QTMAN: variants seen among roughly 807,000 people sequenced by gnomAD.
QTMAN encodes the protein queuosine-tRNA mannosyltransferase, also known as tRNA-queuosine alpha-mannosyltransferase.
the QTMAN span, chr2:144,208,617 G>A: frequency 6.2e-7 from 1 of 1,613,248 alleles, no homozygotes; most frequent in Non-Finnish European, 8.5e-7. Context: ...AATGCTCACT[G>A]ATGGGAATGG....
chr2:143,986,630 A>G, the QTMAN span, among the ~76,000 whole-genome samples: 1 of 152,156 alleles, frequency 6.6e-6, no homozygotes, highest in Non-Finnish European at 1.5e-5. Context: ...CCTAAATATT[A>G]TTTGATGGAT....
At chr2:144,133,181 T>C in the QTMAN span, among the ~76,000 whole-genome samples, 1 of 47,040 alleles carries the variant, frequency 2.1e-5, no homozygotes, top group South Asian at 4.7e-4. Flanking sequence ...TAAATATATA[T>C]AATATAAATT....
At chr2:144,168,246 C>G in the QTMAN span, among the ~76,000 whole-genome samples, 3 of 152,094 alleles carry the variant, frequency 2.0e-5, no homozygotes, top group Admixed American at 1.3e-4. Flanking sequence ...AGTTACTTTA[C>G]GAGAAATGTC....
the QTMAN span, among the ~76,000 whole-genome samples, chr2:144,027,590 T>C: frequency 3.3e-5 from 5 of 152,330 alleles, no homozygotes; most frequent in South Asian, 2.1e-4. Flanking sequence ...ACAAGCTCAA[T>C]TTACAAGAGA....
chr2:144,248,362 T>G, the QTMAN span, among the ~76,000 whole-genome samples: 1 of 152,222 alleles, frequency 6.6e-6, no homozygotes, highest in Non-Finnish European at 1.5e-5. Flanking sequence ...TTTTAGAATT[T>G]TTTTCTCTCT....
At chr2:144,315,033 G>A in the QTMAN span, among the ~76,000 whole-genome samples, 1,196 of 152,050 alleles carry the variant, frequency 7.9e-3, 8 homozygotes, top group Middle Eastern at 0.024. Flanking sequence ...TTACAGGCAC[G>A]CACCACCATC....
chr2:143,971,565 T>G, the QTMAN span, among the ~76,000 whole-genome samples: 1 of 152,186 alleles, frequency 6.6e-6, no homozygotes, highest in East Asian at 1.9e-4. Flanking sequence ...ACAAATCACA[T>G]CAAAATGAAA....
the QTMAN span, among the ~76,000 whole-genome samples, chr2:144,186,552 C>T: frequency 1.3e-5 from 2 of 152,092 alleles, no homozygotes; most frequent in Non-Finnish European, 2.9e-5. Context: ...AGAGTTCATT[C>T]CTCTTCAAAT....
the QTMAN span, among the ~76,000 whole-genome samples, chr2:144,010,862 G>T: frequency 6.6e-6 from 1 of 152,098 alleles, no homozygotes; most frequent in African/African-American, 2.4e-5. Flanking sequence ...ATAACCAGGA[G>T]TAACGGGATG....
chr2:144,291,478 G>C, the QTMAN span, among the ~76,000 whole-genome samples: 1 of 152,170 alleles, frequency 6.6e-6, no homozygotes, highest in African/African-American at 2.4e-5. Flanking sequence ...CAAAATGTTA[G>C]GCTTTGCCTC....
At chr2:144,142,364 T>C in the QTMAN span, among the ~76,000 whole-genome samples, 3 of 151,932 alleles carry the variant, frequency 2.0e-5, no homozygotes, top group Admixed American at 6.6e-5. Context: ...ACTTTCTATA[T>C]TATCAACAAC....
At chr2:143,975,286 G>C in the QTMAN span, among the ~76,000 whole-genome samples, 2 of 152,106 alleles carry the variant, frequency 1.3e-5, no homozygotes, top group African/African-American at 4.8e-5. Context: ...GGATTTCTAA[G>C]ATCTCCATAC....
the QTMAN span, among the ~76,000 whole-genome samples, chr2:144,064,941 T>C: frequency 1.3e-5 from 2 of 152,038 alleles, no homozygotes; most frequent in South Asian, 4.1e-4. Flanking sequence ...GATAAGGGAC[T>C]GAGGAGGAGA....
chr2:144,264,306 G>T, the QTMAN span, among the ~76,000 whole-genome samples: 1 of 152,108 alleles, frequency 6.6e-6, no homozygotes, highest in Admixed American at 6.6e-5. Context: ...GTGAGGAGGA[G>T]AATTGAATTG....
the QTMAN span, among the ~76,000 whole-genome samples, chr2:144,059,828 CACTTCTT>C: frequency 6.6e-6 from 1 of 152,164 alleles, no homozygotes; most frequent in Non-Finnish European, 1.5e-5. Context: ...TATTGGCCTT[CACTTCTT>C]GTCAATCAGG....
At chr2:144,178,862 T>C in the QTMAN span, 1 of 383,672 alleles carries the variant, frequency 2.6e-6, no homozygotes, top group South Asian at 2.0e-5. Flanking sequence ...GGAAGCTGGA[T>C]CCAGGCTTCT....
At chr2:144,004,245 A>G in the QTMAN span, among the ~76,000 whole-genome samples, 3 of 152,002 alleles carry the variant, frequency 2.0e-5, no homozygotes, top group Admixed American at 1.3e-4. Context: ...GGGAGGCTCA[A>G]ACTAAGGGGG....
At chr2:144,323,183 A>G in the QTMAN span, among the ~76,000 whole-genome samples, 2 of 152,190 alleles carry the variant, frequency 1.3e-5, no homozygotes, top group African/African-American at 4.8e-5. Context: ...AAATTTGGCT[A>G]GTTTCACTAG....
the QTMAN span, among the ~76,000 whole-genome samples, chr2:143,955,849 T>C: frequency 6.6e-6 from 1 of 152,214 alleles, no homozygotes; most frequent in Non-Finnish European, 1.5e-5. Flanking sequence ...ATTTTCCATC[T>C]GCTACATCTA....
Sources: gnomAD v4.1 joint callset for allele counts (sites outside exome capture counted in the v4.1 genomes callset) on GRCh38, gnomAD v4.1.1 for gene constraint, MANE v1.5 for transcripts, NCBI Gene and HGNC (gene_info 2026-07-23, HGNC 2026-07-21) for gene names.